CUL2: variants seen among roughly 807,000 people sequenced by gnomAD.
CUL2 encodes the protein cullin 2.
CUL2 carries 22 observed loss-of-function variants against 110.2 expected under a neutral mutation model. The ratio of observed to expected loss-of-function variants is 0.20; its 90% CI spans 0.14 to 0.28. The LOEUF is 0.28. Ranked by LOEUF, CUL2 falls within the 10% of genes least tolerant of loss-of-function variation. CUL2 has a pLI of 1.00. For synonymous variants in CUL2, 279 were observed against 293.2 expected, an observed-to-expected ratio of 0.95 and a Z score of 0.49; for missense variants, 631 against 905.5, an observed-to-expected ratio of 0.70 and a Z score of 3.89.
intron 17 of CUL2, among the ~76,000 whole-genome samples, chr10:35,018,821 A>G (rs1421662969): frequency 6.6e-6 from 1 of 151,880 alleles, no homozygotes; most frequent in Non-Finnish European, 1.5e-5. Context: ...GCTTAATATC[A>G]CCATAAATGC....
chr10:35,112,210 C>T (rs532243863), intron 1 of CUL2, among the ~76,000 whole-genome samples: 88 of 152,338 alleles, frequency 5.8e-4, no homozygotes, highest in African/African-American at 1.8e-3. Context: ...ATTTGTTGAA[C>T]TCTCGTCTGC....
At position 35,031,520 on chromosome 10, in the gene CUL2, A is replaced by G; in HGVS notation, c.1270T>C (p.Tyr424His). The change falls in exon 13 of 21, where the codon TAC becomes CAC. Residue 424 changes from tyrosine (Y) to histidine (H), a missense_variant. Tyr to His is a moderately conservative substitution (Grantham distance 83). Around this residue, in one of 3 missense-constraint regions of CUL2, gnomAD observed 134 missense variants for 260.4 expected, o/e 0.51. Transcript: ENST00000374749. The surrounding 1 kb of genome is among the most constrained non-coding windows in gnomAD (Gnocchi z 4.4). The part of the protein sequence containing the change: ...RLTSFITVFK[Y>H]IDDKDVFQKF... ...TGAAAGACGTCCTTGTCATCAATGT[A>G]TTTGAACACTGTGATGAAGCTCGTG... 6.2e-7 allele frequency: 1 copy of G among 1,614,184 alleles called. No homozygotes were observed. The highest frequency in any genetic ancestry group is 8.5e-7 in the Non-Finnish European group (1 of 1,180,020).
At chr10:35,087,121 G>A (rs2087083667) in intron 1 of CUL2, among the ~76,000 whole-genome samples, 1 of 152,182 alleles carries the variant, frequency 6.6e-6, no homozygotes, top group African/African-American at 2.4e-5. Context: ...CTGGAGTGCA[G>A]TGGTGCAATC....
chr10:35,071,143 T>G (rs1238017253), intron 2 of CUL2, 56 bp downstream of exon 2: 1 of 1,558,606 alleles, frequency 6.4e-7, no homozygotes, highest in Non-Finnish European at 8.8e-7. Flanking sequence ...ATGTTCTCAG[T>G]TTTCAACAAA....
In CUL2 at chr10:35,105,033, G is replaced by C. The variant is rs535059793; in HGVS notation, c.-50-3973C>G. 7.3e-4 allele frequency among the ~76,000 whole-genome samples: 110 copies of C among 151,410 alleles called. 1 individual carries two copies. Among genetic ancestry groups the C allele is most frequent in the African/African-American group, 2.6e-3 (107 of 41,322 alleles). Reference sequence around the variant, plus strand: ...CGTGAGCCACCGTGCCCAGCCCAAAGACTCTTAAAGATATATTCAGGCTTG... The same window carrying C: ...CGTGAGCCACCGTGCCCAGCCCAAACACTCTTAAAGATATATTCAGGCTTG... On this transcript the variant is annotated intron_variant, in intron 1 of 5. Coordinates refer to the CUL2 transcript ENST00000685421.
At chr10:35,067,983 G>A (rs1396929343) in intron 2 of CUL2, among the ~76,000 whole-genome samples, 6 of 151,288 alleles carry the variant, frequency 4.0e-5, no homozygotes, top group Non-Finnish European at 7.4e-5. Context: ...TGTGGTGGGC[G>A]CCTGTAGTCC....
At chr10:35,084,278 A>C (rs1057027927) in intron 1 of CUL2, among the ~76,000 whole-genome samples, 5 of 152,182 alleles carry the variant, frequency 3.3e-5, no homozygotes, top group Admixed American at 2.6e-4. Context: ...TCTGTCTCAA[A>C]CAAGCAAACA....
rs144608290 is a variant in CUL2, at chr10:35,030,446, G to A, written c.1387-806C>T. On this transcript the variant is annotated intron_variant, in intron 14 of 20. Transcript: ENST00000374749. ...CACTCAGGATGGAGTGCAGTGGTAT[G>A]ATCATGGCTCACAGCAGCCTTGATG... Among the ~76,000 whole-genome samples the A allele has an allele frequency of 3.8e-3, 577 of 152,174 alleles. 2 individuals carry two copies. The highest frequency in any genetic ancestry group is 0.013 in the African/African-American group (532 of 41,512).
intron 9 of CUL2, among the ~76,000 whole-genome samples, chr10:35,036,453 T>C (rs1188795618): frequency 6.6e-6 from 1 of 151,964 alleles, no homozygotes; most frequent in Non-Finnish European, 1.5e-5. Flanking sequence ...GAGGTAAAGC[T>C]GGGGGGTGGT....
intron 6 of CUL2, among the ~76,000 whole-genome samples, chr10:35,046,245 CA>C (rs1245844574): frequency 6.6e-6 from 1 of 152,200 alleles, no homozygotes; most frequent in Non-Finnish European, 1.5e-5. Context: ...TGGCTTGGGT[CA>C]CATGCGTGAC....
chr10:35,098,960 T>A (rs1039875475), intron 2 of CUL2, among the ~76,000 whole-genome samples: 5 of 151,952 alleles, frequency 3.3e-5, no homozygotes, highest in African/African-American at 4.8e-5. Flanking sequence ...ATAAGTAATA[T>A]AGGCCATCTC....
chr10:35,109,659 A>T (rs1344067622), intron 1 of CUL2, among the ~76,000 whole-genome samples: 3 of 152,234 alleles, frequency 2.0e-5, no homozygotes, highest in African/African-American at 7.2e-5. Flanking sequence ...AAACAGTGGG[A>T]GCAGCAAGTG....
chr10:35,069,515 T>A (rs2086625640), intron 2 of CUL2, among the ~76,000 whole-genome samples: 2 of 151,270 alleles, frequency 1.3e-5, no homozygotes, highest in African/African-American at 4.9e-5. Context: ...TACTCCAGCC[T>A]GGGTGACAAA....
chr10:35,029,644 T>TA lies in CUL2; in HGVS notation c.1387-5dup. ...TAAACTCATAACCACAGGCTTGCTA[T>TA]AAAAAAGTTTTAGAAAATACATGAA... On this transcript the variant is annotated splice_region_variant and splice_polypyrimidine_tract_variant and intron_variant, in intron 14 of 20. Transcript: ENST00000374749. The TA allele has an allele frequency of 6.3e-7, 1 of 1,576,920 alleles. No individual in the cohort carries two copies. Among genetic ancestry groups the TA allele is most frequent in the Non-Finnish European group, 8.6e-7 (1 of 1,168,452 alleles).
At chr10:35,085,695 T>TAAAAAA (rs2087046266) in intron 1 of CUL2, among the ~76,000 whole-genome samples, 1 of 93,584 alleles carries the variant, frequency 1.1e-5, no homozygotes, top group Non-Finnish European at 2.0e-5. Flanking sequence ...AGACTCTGTC[T>TAAAAAA]CAAAAAAAAA....
intron 3 of CUL2, among the ~76,000 whole-genome samples, 191 bp downstream of exon 3, chr10:35,062,769 C>CACA (rs2086416114): frequency 6.6e-6 from 1 of 151,638 alleles, no homozygotes; most frequent in South Asian, 2.1e-4. Context: ...CCAGGGAAGT[C>CACA]GGGGCTGCAG....
chr10:35,092,538 G>A (rs1017941042), upstream of CUL2, among the ~76,000 whole-genome samples: 8 of 152,238 alleles, frequency 5.3e-5, no homozygotes, highest in African/African-American at 1.7e-4. Flanking sequence ...ACTTCTGCAT[G>A]CCAAAGTGGG....
At chr10:35,108,826 G>T (rs565306396) in intron 1 of CUL2, among the ~76,000 whole-genome samples, 1 of 152,334 alleles carries the variant, frequency 6.6e-6, no homozygotes, top group African/African-American at 2.4e-5. Context: ...TGCAGTCCCT[G>T]TGGACCTCTC....
At chr10:35,057,534 T>G (rs2086268432) in intron 4 of CUL2, among the ~76,000 whole-genome samples, 1 of 151,064 alleles carries the variant, frequency 6.6e-6, no homozygotes, top group African/African-American at 2.4e-5. Flanking sequence ...TTGCCTGTAA[T>G]CCCAGCTACT....
Sources: allele counts gnomAD v4.1 joint callset (sites outside exome capture counted in the v4.1 genomes callset), GRCh38; gene constraint gnomAD v4.1.1; regional missense constraint gnomAD v4.1.1; non-coding constraint Gnocchi (gnomAD v3.1); transcripts MANE v1.5; gene names NCBI Gene and HGNC (gene_info 2026-07-23, HGNC 2026-07-21).